WDFY2: variants seen among roughly 807,000 people sequenced by gnomAD.
WDFY2 encodes the protein WD repeat and FYVE domain-containing protein 2.
A neutral mutation model predicts 56.4 loss-of-function variants in WDFY2; 36 were observed. The observed-to-expected ratio is 0.64, with a 90% confidence interval of 0.49 to 0.84. WDFY2 has a LOEUF of 0.84. Among genes scored for constraint, WDFY2 ranks in the 40% least tolerant of loss-of-function variants. WDFY2 has a pLI of 0.00. For missense variants in WDFY2, 444 were observed against 512.2 expected (o/e 0.87, Z 1.29); for synonymous variants, 176 against 183.7 (o/e 0.96, Z 0.34).
chr13:51,729,199 T>C (rs1208194726), intron 6 of WDFY2, among the ~76,000 whole-genome samples: 1 of 152,058 alleles, frequency 6.6e-6, no homozygotes, highest in African/African-American at 2.4e-5. Context: ...GGGTCTACAG[T>C]AGTCACGCTG....
intron 1 of WDFY2, among the ~76,000 whole-genome samples, chr13:51,641,663 A>G (rs1406291288): frequency 1.3e-5 from 2 of 149,734 alleles, no homozygotes; most frequent in Middle Eastern, 3.2e-3. Flanking sequence ...CGTCTCTACT[A>G]AAAATACAAA....
At chr13:51,646,921 G>A (rs1955272738) in intron 1 of WDFY2, among the ~76,000 whole-genome samples, 1 of 152,200 alleles carries the variant, frequency 6.6e-6, no homozygotes, top group Admixed American at 6.5e-5. Context: ...ACAAAACTTG[G>A]ATGGAAAGTA....
At chr13:51,650,109 AGTT>A (rs1955345602) in intron 1 of WDFY2, among the ~76,000 whole-genome samples, 1 of 151,826 alleles carries the variant, frequency 6.6e-6, no homozygotes, top group Non-Finnish European at 1.5e-5. Flanking sequence ...AGTGGTTTGT[AGTT>A]CTCCTTGAAG....
At chr13:51,617,529 T>C (rs1011513794) in intron 1 of WDFY2, among the ~76,000 whole-genome samples, 3 of 152,198 alleles carry the variant, frequency 2.0e-5, no homozygotes, top group African/African-American at 7.2e-5. Context: ...CCCTCTCTTA[T>C]CTTCTTTTCC....
intron 5 of WDFY2, among the ~76,000 whole-genome samples, chr13:51,724,263 G>A (rs1247356572): frequency 7.9e-6 from 1 of 126,982 alleles, no homozygotes; most frequent in Non-Finnish European, 1.6e-5. Flanking sequence ...TTGAGATGGC[G>A]TTTCACTCTT....
Position 51,606,301 on chromosome 13 carries a change from G to A in WDFY2, c.137+21477G>A, listed in dbSNP as rs531238257. On this transcript the variant is annotated intron_variant, in intron 1 of 11. Transcript: ENST00000298125. ...TACCTGGTCTCAAGTACAGCATCAG[G>A]CATGTTGTAAGCACCTCAGTAACTG... Among the ~76,000 whole-genome samples, 194 of 152,272 alleles carry A rather than the reference G, an allele frequency of 1.3e-3. 1 individual carries two copies. The highest frequency in any genetic ancestry group is 2.3e-3 in the Non-Finnish European group (158 of 68,016).
chr13:51,679,068 A>G (rs1012128635), intron 3 of WDFY2, among the ~76,000 whole-genome samples: 4 of 152,238 alleles, frequency 2.6e-5, no homozygotes, highest in African/African-American at 7.2e-5. Flanking sequence ...AATTTGGTAG[A>G]GAATTAATGA....
chr13:51,728,744 G>A (rs777637842), intron 6 of WDFY2, among the ~76,000 whole-genome samples: 5 of 152,182 alleles, frequency 3.3e-5, no homozygotes, highest in Non-Finnish European at 5.9e-5. Context: ...AATTATTTAT[G>A]CCTTTGGGAG....
At chr13:51,610,360 A>T (rs887390568) in intron 1 of WDFY2, among the ~76,000 whole-genome samples, 41 of 152,290 alleles carry the variant, frequency 2.7e-4, no homozygotes, top group African/African-American at 8.2e-4. Flanking sequence ...GAAAGTTTAA[A>T]GGAATAGTAA....
chr13:51,687,861 C>T (rs1320341015), intron 3 of WDFY2, among the ~76,000 whole-genome samples: 2 of 152,000 alleles, frequency 1.3e-5, no homozygotes, highest in Non-Finnish European at 2.9e-5. Context: ...AAGCTCCATC[C>T]TGCCTGAGGT....
chr13:51,584,961 G>A (rs1476492579), intron 1 of WDFY2, 137 bp downstream of exon 1: 4 of 1,241,716 alleles, frequency 3.2e-6, no homozygotes, highest in South Asian at 1.5e-5. Flanking sequence ...GCGCATCCTG[G>A]TGGTGCCGGT....
At chr13:51,591,781 T>A (rs1878655022) in intron 1 of WDFY2, 1 of 152,178 alleles carries the variant, frequency 6.6e-6, no homozygotes, top group Non-Finnish European at 1.5e-5. Flanking sequence ...TCTCCCGTTA[T>A]GTAGTTTCAG....
intron 1 of WDFY2, among the ~76,000 whole-genome samples, chr13:51,652,561 C>T (rs1955415331): frequency 6.6e-6 from 1 of 152,096 alleles, no homozygotes; most frequent in African/African-American, 2.4e-5. Flanking sequence ...CCTTTCCATG[C>T]TTAGTGCTTC....
intron 2 of WDFY2, among the ~76,000 whole-genome samples, chr13:51,667,079 T>A (rs987559127): frequency 6.6e-6 from 1 of 152,222 alleles, no homozygotes; most frequent in African/African-American, 2.4e-5. Flanking sequence ...TAAACTGTTA[T>A]CTTTGTTCTC....
chr13:51,687,062 A>T (rs1305724247), intron 3 of WDFY2, among the ~76,000 whole-genome samples: 1 of 150,126 alleles, frequency 6.7e-6, no homozygotes, highest in African/African-American at 2.4e-5. Flanking sequence ...TATATATATA[A>T]AACCATCACT....
intron 8 of WDFY2, chr13:51,752,849 T>G (rs1481811344): frequency 2.6e-5 from 4 of 152,230 alleles, no homozygotes; most frequent in African/African-American, 9.6e-5. Flanking sequence ...CTGAGATTTT[T>G]GTTTTCATCT....
chr13:51,717,582 C>G (rs1593445749), intron 4 of WDFY2, among the ~76,000 whole-genome samples: 1 of 151,992 alleles, frequency 6.6e-6, no homozygotes, highest in South Asian at 2.1e-4. Context: ...GTGTTAGGGG[C>G]CACTTTCTGC....
intron 5 of WDFY2, among the ~76,000 whole-genome samples, chr13:51,721,681 A>G (rs938905956): frequency 3.3e-5 from 5 of 152,134 alleles, no homozygotes; most frequent in Non-Finnish European, 1.5e-5. Context: ...AGAGAGCTGC[A>G]GTACTACAGA....
intron 1 of WDFY2, among the ~76,000 whole-genome samples, chr13:51,641,474 C>G (rs1280535586): frequency 6.6e-6 from 1 of 152,044 alleles, no homozygotes; most frequent in Non-Finnish European, 1.5e-5. Flanking sequence ...TGGTTATAAT[C>G]TAATGATGCA....
Sources: gnomAD v4.1 joint callset for allele counts (sites outside exome capture counted in the v4.1 genomes callset) on GRCh38, gnomAD v4.1.1 for gene constraint, MANE v1.5 for transcripts, NCBI Gene and HGNC (gene_info 2026-07-23, HGNC 2026-07-21) for gene names.